PPFIA2: variants seen among roughly 807,000 people sequenced by gnomAD.
The protein encoded by PPFIA2 is liprin-alpha-2.
PPFIA2 carries 46 observed loss-of-function variants against 175.5 expected under a neutral mutation model. The observed-to-expected ratio is 0.26, with a 90% CI of 0.21 to 0.34. The LOEUF (loss-of-function observed/expected upper bound fraction) is 0.34. PPFIA2 is among the 10% of genes least tolerant of loss of function. The probability of loss-of-function intolerance (pLI) is 1.00; values close to 1 mark genes in which losing one functional copy is unlikely to be tolerated. For synonymous variants in PPFIA2, 568 were observed against 511.4 expected (o/e 1.11, Z -1.49); for missense variants, 1,179 against 1,506.1 (o/e 0.78, Z 3.60).
At chr12:81,445,407 T>G in intron 6 of PPFIA2, 149 bp downstream of exon 6, 1 of 669,836 alleles carries the variant, frequency 1.5e-6, no homozygotes, top group Non-Finnish European at 2.4e-6. Flanking sequence ...TAATCCATTT[T>G]CACTTTTAAA....
intron 4 of PPFIA2, among the ~76,000 whole-genome samples, chr12:81,482,674 G>C (rs982415042): frequency 1.3e-5 from 2 of 152,236 alleles, no homozygotes; most frequent in African/African-American, 4.8e-5. Context: ...ACTCATAACG[G>C]GGAGCTGAAC....
At chr12:81,472,098 C>A (rs1249907015) in intron 4 of PPFIA2, among the ~76,000 whole-genome samples, 1 of 152,102 alleles carries the variant, frequency 6.6e-6, no homozygotes, top group Non-Finnish European at 1.5e-5. Context: ...AAGCCAGTCA[C>A]AAAGGACCAT....
intron 16 of PPFIA2, 49 bp from the exon 17 acceptor site, chr12:81,353,388 T>G (rs768507701): frequency 2.9e-5 from 40 of 1,360,018 alleles, no homozygotes; most frequent in Non-Finnish European, 4.0e-5. Context: ...TTGCTCATTT[T>G]CAAAGCATTA....
At chr12:81,568,074 G>C (rs971199240) in intron 4 of PPFIA2, among the ~76,000 whole-genome samples, 1 of 152,180 alleles carries the variant, frequency 6.6e-6, no homozygotes, top group Non-Finnish European at 1.5e-5. Context: ...TAAATGAACA[G>C]ATTAAGTTGT....
In PPFIA2 at chr12:81,540,811, G is replaced by A. The variant is rs138127434; in HGVS notation, c.304-82945C>T. ...AATGAAAATAACATAGAGAAGAGTA[G>A]AAAATAAAATGACATACCCTATATC... On this transcript the variant is annotated intron_variant, in intron 4 of 32. Coordinates refer to ENST00000549396, the MANE Select transcript of PPFIA2 (RefSeq NM_003625.5). Among the ~76,000 whole-genome samples the A allele has an allele frequency of 9.6e-4, 146 of 152,038 alleles. 1 individual carries two copies. The highest frequency in any genetic ancestry group is 3.3e-3 in the African/African-American group (137 of 41,534).
chr12:81,559,143 G>A (rs2069436975), intron 4 of PPFIA2, among the ~76,000 whole-genome samples: 1 of 152,156 alleles, frequency 6.6e-6, no homozygotes, highest in African/African-American at 2.4e-5. Context: ...TTTATTTAAA[G>A]GAGTTAAGAA....
At chr12:81,554,090 T>C (rs1317053721) in intron 4 of PPFIA2, among the ~76,000 whole-genome samples, 1 of 151,934 alleles carries the variant, frequency 6.6e-6, no homozygotes, top group African/African-American at 2.4e-5. Context: ...TTAAAAGAGG[T>C]GAGCACTAGA....
chr12:81,575,999 G>A (rs2073466063), intron 4 of PPFIA2, among the ~76,000 whole-genome samples: 1 of 151,630 alleles, frequency 6.6e-6, no homozygotes, highest in Non-Finnish European at 1.5e-5. Context: ...CAAGTAGAAG[G>A]AAAGCTTTAT....
chr12:81,547,655 GAGTT>G (rs1371011756), intron 4 of PPFIA2, among the ~76,000 whole-genome samples: 7 of 151,452 alleles, frequency 4.6e-5, no homozygotes, highest in African/African-American at 2.4e-5. Flanking sequence ...AAGTAACAAA[GAGTT>G]AGAGAAAAAA....
At chr12:81,550,180 T>C (rs1180143591) in intron 4 of PPFIA2, among the ~76,000 whole-genome samples, 2 of 151,972 alleles carry the variant, frequency 1.3e-5, no homozygotes, top group Non-Finnish European at 2.9e-5. Flanking sequence ...AATGTACAAA[T>C]GAAGAAGGTT....
At chr12:81,642,704 A>ATATTATATACATACATGTACG (rs1555549360) in intron 4 of PPFIA2, among the ~76,000 whole-genome samples, 173 of 9,464 alleles carry the variant, frequency 0.018, 56 homozygotes, top group South Asian at 0.031. Flanking sequence ...ATACATGTAT[A>ATATTATATACATACATGTACG]TGTATGTATG....
chr12:81,747,773 A>T (rs2083255503), intron 3 of PPFIA2, among the ~76,000 whole-genome samples: 1 of 144,144 alleles, frequency 6.9e-6, no homozygotes. Flanking sequence ...AAGGGCTGTC[A>T]GGGCATAATC....
At chr12:81,317,046 T>C (rs868501558) in intron 22 of PPFIA2, among the ~76,000 whole-genome samples, 8 of 151,598 alleles carry the variant, frequency 5.3e-5, no homozygotes, top group African/African-American at 1.9e-4. Flanking sequence ...ACATGTAAAA[T>C]GCATAGAACA....
At chr12:81,448,349 C>T (rs896212463) in intron 5 of PPFIA2, among the ~76,000 whole-genome samples, 1 of 152,172 alleles carries the variant, frequency 6.6e-6, no homozygotes, top group African/African-American at 2.4e-5. Flanking sequence ...CTTGCCACTA[C>T]ATCCACTGCT....
intron 22 of PPFIA2, 72 bp from the exon 23 acceptor site, chr12:81,299,454 AT>A: frequency 6.7e-7 from 1 of 1,496,368 alleles, no homozygotes; most frequent in Non-Finnish European, 9.0e-7. Flanking sequence ...TAATGATAAT[AT>A]TTTAAAATAA....
chr12:81,683,690 C>T (rs957270998), intron 3 of PPFIA2, among the ~76,000 whole-genome samples: 6 of 152,026 alleles, frequency 3.9e-5, no homozygotes, highest in Non-Finnish European at 5.9e-5. Context: ...TTTGCCCATG[C>T]TTTTCCTGCT....
chr12:81,656,114 G>C (rs2067752326), intron 4 of PPFIA2, among the ~76,000 whole-genome samples: 1 of 151,764 alleles, frequency 6.6e-6, no homozygotes. Context: ...TATCACTTTA[G>C]TTTCAACCTT....
intron 4 of PPFIA2, among the ~76,000 whole-genome samples, chr12:81,570,777 C>T (rs1595087555): frequency 6.7e-6 from 1 of 150,152 alleles, no homozygotes; most frequent in South Asian, 2.1e-4. Context: ...GTATTAATTT[C>T]AAAATAGTAA....
intron 19 of PPFIA2, among the ~76,000 whole-genome samples, chr12:81,343,358 G>A (rs1202683290): frequency 3.3e-5 from 5 of 151,962 alleles, no homozygotes; most frequent in Non-Finnish European, 7.4e-5. Context: ...TTAAGGTGAT[G>A]GAGGTCAAAG....
Sources: allele counts gnomAD v4.1 joint callset (sites outside exome capture counted in the v4.1 genomes callset), GRCh38; gene constraint gnomAD v4.1.1; transcripts MANE v1.5; gene names NCBI Gene and HGNC (gene_info 2026-07-23, HGNC 2026-07-21).